MAST2: variants seen among roughly 807,000 people sequenced by gnomAD.
The protein encoded by MAST2 is microtubule-associated serine/threonine-protein kinase 2.
MAST2 carries 70 observed loss-of-function variants against 147.4 expected under a neutral mutation model. The observed-to-expected ratio is 0.47, with a 90% CI of 0.39 to 0.58. MAST2 has a LOEUF of 0.58. Ranked by LOEUF, MAST2 falls within the 20% of genes least tolerant of loss-of-function variation. MAST2 has a pLI of 0.00. For synonymous variants in MAST2, 869 were observed against 896.8 expected (o/e 0.97, Z 0.55); for missense variants, 2,080 against 2,302.3 (o/e 0.90, Z 1.98).
chr1:45,880,654 T>A (rs1646803842), intron 3 of MAST2, among the ~76,000 whole-genome samples: 1 of 152,098 alleles, frequency 6.6e-6, no homozygotes, highest in South Asian at 2.1e-4. Flanking sequence ...AATAAGCGAA[T>A]TTTACAAAAA....
At chr1:45,978,473 G>A (rs560432263) in intron 5 of MAST2, among the ~76,000 whole-genome samples, 3 of 152,226 alleles carry the variant, frequency 2.0e-5, no homozygotes, top group South Asian at 4.2e-4. Context: ...CAAAGATCAC[G>A]GCACTGCACT....
Position 45,817,619 on chromosome 1 carries a change from A to T in MAST2, c.178-6814A>T, listed in dbSNP as rs149479880. ...AAAGAAAAGGATGTTAATGAGCAAT[A>T]AGAAATCATCTGAAGGTACAAAACT... On this transcript the variant is annotated intron_variant, in intron 1 of 28. Coordinates refer to ENST00000361297, the MANE Select transcript of MAST2 (RefSeq NM_015112.3). 9.1e-4 allele frequency among the ~76,000 whole-genome samples: 138 copies of T among 152,330 alleles called. 1 individual carries two copies. Among genetic ancestry groups the T allele is most frequent in the African/African-American group, 3.2e-3 (131 of 41,572 alleles).
At chr1:45,913,915 T>TGTC in intron 4 of MAST2, 1 of 1,183,350 alleles carries the variant, frequency 8.5e-7, no homozygotes, top group Non-Finnish European at 1.1e-6. Flanking sequence ...AACTGGCAGA[T>TGTC]GTCAGGAAAA....
chr1:45,898,826 C>CT (rs999858093), intron 4 of MAST2, among the ~76,000 whole-genome samples: 2 of 152,166 alleles, frequency 1.3e-5, no homozygotes, highest in Non-Finnish European at 2.9e-5. Context: ...CCCATACTCA[C>CT]TTTTTTTCAG....
At chr1:45,987,776 G>GGTT (rs1644692974) in intron 5 of MAST2, among the ~76,000 whole-genome samples, 1 of 30,708 alleles carries the variant, frequency 3.3e-5, no homozygotes, top group African/African-American at 1.4e-4. Flanking sequence ...TTTTTTTTTT[G>GGTT]ATTTTTTTTT....
At chr1:45,908,486 T>C (rs1651142521) in intron 4 of MAST2, among the ~76,000 whole-genome samples, 1 of 152,200 alleles carries the variant, frequency 6.6e-6, no homozygotes, top group Non-Finnish European at 1.5e-5. Context: ...GTGTCTTTAT[T>C]ATAGTGTAAT....
chr1:45,806,825 C>G (rs1426030334), intron 1 of MAST2, among the ~76,000 whole-genome samples: 2 of 152,306 alleles, frequency 1.3e-5, no homozygotes, highest in African/African-American at 4.8e-5. Flanking sequence ...GATCTGCCCG[C>G]CTTGGCCTCC....
intron 4 of MAST2, among the ~76,000 whole-genome samples, chr1:45,922,984 G>A (rs1251996372): frequency 2.0e-5 from 3 of 152,178 alleles, no homozygotes; most frequent in African/African-American, 7.2e-5. Context: ...TGGGCATGCT[G>A]TACTTGCTGC....
At chr1:45,879,278 A>C (rs1024365296) in intron 3 of MAST2, among the ~76,000 whole-genome samples, 1 of 152,188 alleles carries the variant, frequency 6.6e-6, no homozygotes, top group South Asian at 2.1e-4. Context: ...TTCACTCATC[A>C]AAAGGCTCTA....
intron 5 of MAST2, among the ~76,000 whole-genome samples, chr1:45,996,366 A>T (rs999243949): frequency 6.6e-6 from 1 of 151,692 alleles, no homozygotes; most frequent in Non-Finnish European, 1.5e-5. Flanking sequence ...AAAGAACAGA[A>T]TTTTTTTTAA....
chr1:45,879,931 C>T (rs182481381), intron 3 of MAST2, among the ~76,000 whole-genome samples: 1 of 152,144 alleles, frequency 6.6e-6, no homozygotes, highest in East Asian at 1.9e-4. Context: ...TAGAGTAGTT[C>T]GAACTTTCTT....
Position 45,824,259 on chromosome 1 carries a change from C to T in MAST2, c.178-174C>T, listed in dbSNP as rs187696355. Among the ~76,000 whole-genome samples the T allele has an allele frequency of 9.8e-4, 149 of 152,236 alleles. 1 individual carries two copies. Among genetic ancestry groups the T allele is most frequent in the African/African-American group, 3.5e-3 (146 of 41,544 alleles). Reference sequence around the variant, plus strand: ...AATAATCAATATCCTGTGTCCTTTACAGCATACCTAGCTTTTACTAAGAAA... The same window carrying T: ...AATAATCAATATCCTGTGTCCTTTATAGCATACCTAGCTTTTACTAAGAAA... On this transcript the variant is annotated intron_variant, in intron 1 of 28. Transcript: ENST00000361297.
chr1:45,939,972 T>A (rs1340062607), intron 4 of MAST2, among the ~76,000 whole-genome samples: 1 of 133,654 alleles, frequency 7.5e-6, no homozygotes, highest in Non-Finnish European at 1.6e-5. Flanking sequence ...GTTCTCTATT[T>A]ATTTAGGGTT....
chr1:45,900,489 C>T (rs1171028720), intron 4 of MAST2, among the ~76,000 whole-genome samples: 108 of 4,898 alleles, frequency 0.022, 32 homozygotes, highest in African/African-American at 0.22. Context: ...GACGGAGTCT[C>T]GCTCTGTCGC....
intron 8 of MAST2, 26 bp from the exon 9 acceptor site, chr1:46,008,270 A>G: frequency 6.4e-7 from 1 of 1,550,866 alleles, no homozygotes; most frequent in South Asian, 1.1e-5. Context: ...GCACTAAAGT[A>G]ACACAATCAT....
At position 45,850,857 on chromosome 1, in the gene MAST2, A is replaced by T. The variant is rs1229716197; in HGVS notation, c.468+21276A>T. ...TATGCTTTTTTTTTTTTTTTTTTTT[A>T]AACACTGTAGCCTTATAGTATAGTC... On this transcript the variant is annotated intron_variant, in intron 3 of 28. Coordinates refer to ENST00000361297, the MANE Select transcript of MAST2 (RefSeq NM_015112.3). Among the ~76,000 whole-genome samples, 100 of 122,236 alleles carry T rather than the reference A, an allele frequency of 8.2e-4. 2 individuals are homozygous for T. The highest frequency in any genetic ancestry group is 2.6e-3 in the African/African-American group (81 of 31,520). 80.2% of individuals were successfully genotyped at this position (122,236 alleles called of 152,430 possible).
intron 3 of MAST2, among the ~76,000 whole-genome samples, chr1:45,842,703 A>G (rs1645315056): frequency 6.6e-6 from 1 of 152,210 alleles, no homozygotes; most frequent in South Asian, 2.1e-4. Context: ...ATTGATGGAC[A>G]CTGGGCTGTT....
Position 46,028,795 on chromosome 1 carries a change from C to A in MAST2, c.2080C>A (p.Pro694Thr). 1 of 1,614,142 alleles carries A rather than the reference C, an allele frequency of 6.2e-7. No homozygotes were observed. The highest frequency in any genetic ancestry group is 8.5e-7 in the Non-Finnish European group (1 of 1,180,024). ...ATGCGGGACCCCAGAATACATTGCG[C>A]CTGAGGTGATCCTGCGCCAGGGCTA... ...QVCGTPEYIAPEVILRQGYGK... is the reference protein window; with the variant it reads ...QVCGTPEYIATEVILRQGYGK... Residue 694 changes from proline to threonine, a missense_variant, in exon 18 of 29, where the codon CCT becomes ACT. This residue lies in a region of MAST2 where 209 missense variants were observed against 309.5 expected (regional missense o/e 0.68). Transcript: ENST00000361297.
chr1:45,962,878 A>G (rs1447396337), intron 5 of MAST2, among the ~76,000 whole-genome samples: 1 of 152,164 alleles, frequency 6.6e-6, no homozygotes, highest in East Asian at 1.9e-4. Flanking sequence ...GTTTTCTTCT[A>G]GGGTTTTTAT....
Sources: gnomAD v4.1 joint callset for allele counts (sites outside exome capture counted in the v4.1 genomes callset) on GRCh38, gnomAD v4.1.1 for gene constraint, gnomAD v4.1.1 regional missense constraint, MANE v1.5 for transcripts, NCBI Gene and HGNC (gene_info 2026-07-23, HGNC 2026-07-21) for gene names.